KLRB1: variants seen among roughly 807,000 people sequenced by gnomAD.
The protein encoded by KLRB1 is killer cell lectin-like receptor subfamily B member 1.
Under a neutral mutation model 33.5 loss-of-function variants are expected in KLRB1, and 27 were observed. The observed-to-expected ratio is 0.81, with a 90% CI of 0.59 to 1.11. KLRB1 has a LOEUF of 1.11. KLRB1 is among the 50% of genes most tolerant of loss of function. The pLI, the probability that KLRB1 is intolerant of heterozygous loss-of-function variation, is 0.00. For missense variants in KLRB1, 241 were observed against 254.1 expected, an observed-to-expected ratio of 0.95 and a Z score of 0.35; for synonymous variants, 64 against 88.9, an observed-to-expected ratio of 0.72 and a Z score of 1.58.
rs1864481495 is a variant in KLRB1 at position 9,595,168 on chromosome 12, CTT to C, written c.*104_*105del. ...AGTTGTCAATTCTCAGAATTGTTCA[CTT>C]TGTGCCACTAAATGTGGCACTATTA... is the stretch of plus-strand genomic sequence containing the variant. On this transcript the variant is annotated 3_prime_UTR_variant, in exon 6 of 6. Coordinates refer to ENST00000229402, the MANE Select transcript of KLRB1 (RefSeq NM_002258.3). The C allele has an allele frequency of 1.1e-6, 1 of 894,630 alleles. No individual in the cohort carries two copies. The highest frequency in any genetic ancestry group is 1.7e-5 in the African/African-American group (1 of 59,608). The allele number at this position is 894,630 out of a possible 1,614,324, so 55.4% of individuals were successfully genotyped here. A position where few individuals can be genotyped will look rare whatever the true frequency, so the allele number is the denominator to read the frequency against.
chr12:9,601,713 A>G (rs1864545242), intron 1 of KLRB1, 114 bp from the exon 2 acceptor site: 7 of 672,840 alleles, frequency 1.0e-5, no homozygotes, highest in Middle Eastern at 2.7e-4. Context: ...ACATAGGGAC[A>G]ATTAGATTCA....
intron 1 of KLRB1, among the ~76,000 whole-genome samples, chr12:9,605,959 C>T (rs916471360): frequency 2.6e-5 from 4 of 152,156 alleles, no homozygotes; most frequent in Non-Finnish European, 5.9e-5. Flanking sequence ...CAAAAGCCCA[C>T]TTTCCACCTT....
chr12:9,598,175 AG>A lies in KLRB1; in HGVS notation c.415-15del. On this transcript the variant is annotated splice_polypyrimidine_tract_variant and intron_variant, in intron 4 of 5. Coordinates refer to ENST00000229402, the MANE Select transcript of KLRB1 (RefSeq NM_002258.3). ...CTGTGTGTGTATCTATAAATGGAAC[AG>A]AAAAATATTGAATCTGCTTATCTAT... 6.7e-7 allele frequency: 1 copy of A among 1,498,490 alleles called. No individual in the cohort carries two copies. Among genetic ancestry groups the A allele is most frequent in the Non-Finnish European group, 9.3e-7 (1 of 1,077,004 alleles). The allele number at this position is 1,498,490 out of a possible 1,614,324, so 92.8% of individuals were successfully genotyped here.
At chr12:9,595,467 A>C in intron 5 of KLRB1, 46 bp from the exon 6 acceptor site, 1 of 1,576,832 alleles carries the variant, frequency 6.3e-7, no homozygotes, top group Non-Finnish European at 8.7e-7. Context: ...TGATTTTCTC[A>C]GAGCTATTCT....
chr12:9,605,665 C>A (rs1303152205), intron 1 of KLRB1, among the ~76,000 whole-genome samples: 1 of 152,176 alleles, frequency 6.6e-6, no homozygotes, highest in Non-Finnish European at 1.5e-5. Context: ...TTGTTGACTG[C>A]CTTAGACACA....
intron 1 of KLRB1, among the ~76,000 whole-genome samples, chr12:9,603,068 A>C (rs1044303408): frequency 6.6e-6 from 1 of 152,210 alleles, no homozygotes. Flanking sequence ...GGGTTGTAAC[A>C]TATGGATTAT....
chr12:9,603,850 C>T (rs750065168), intron 1 of KLRB1, among the ~76,000 whole-genome samples: 9 of 152,166 alleles, frequency 5.9e-5, no homozygotes, highest in East Asian at 1.9e-4. Flanking sequence ...TTGGAAAATA[C>T]GTTCAACCTT....
In KLRB1 at chr12:9,607,355, C is replaced by CTTTCTTT. The variant is rs1555097796; in HGVS notation, c.85+399_85+400insAAAGAAA. On this transcript the variant is annotated intron_variant, in intron 1 of 5. Transcript: ENST00000229402. Reference sequence around the variant, plus strand: ...TCTTTCCTTTCTTTCTTTCTTTCTTCCTTTCTTTCTTTCTTTCTTTCTTTC... The same window carrying CTTTCTTT: ...TCTTTCCTTTCTTTCTTTCTTTCTTCTTTCTTTCTTTCTTTCTTTCTTTCTTTCTTTC... Among the ~76,000 whole-genome samples, 395 of 52,746 alleles carry CTTTCTTT rather than the reference C, an allele frequency of 7.5e-3. 20 individuals are homozygous for CTTTCTTT. Among genetic ancestry groups the CTTTCTTT allele is most frequent in the African/African-American group, 0.018 (346 of 19,440 alleles). The allele number at this position is 52,746 out of a possible 152,430, so 34.6% of individuals were successfully genotyped here. A position where few individuals can be genotyped will look rare whatever the true frequency, so the allele number is the denominator to read the frequency against.
At chr12:9,606,744 ATATATATATATATATATTTT>A (rs1864607674) in intron 1 of KLRB1, among the ~76,000 whole-genome samples, 3 of 24,428 alleles carry the variant, frequency 1.2e-4, no homozygotes, top group Admixed American at 1.4e-3. Context: ...GTATATATAT[ATATATATATATATATATTTT>A]TTTTTTTTTT....
intron 1 of KLRB1, among the ~76,000 whole-genome samples, chr12:9,605,676 A>G (rs1157375945): frequency 6.6e-6 from 1 of 152,198 alleles, no homozygotes; most frequent in Non-Finnish European, 1.5e-5. Context: ...CTTAGACACA[A>G]TCACCGTGCT....
chr12:9,607,355 C>CCTTCCTTTCTTTCTTTCTTTCTTTCTTT (rs1864625911), intron 1 of KLRB1, among the ~76,000 whole-genome samples: 27 of 52,766 alleles, frequency 5.1e-4, no homozygotes, highest in Non-Finnish European at 9.2e-4. Flanking sequence ...TTTCTTTCTT[C>CCTTCCTTTCTTTCTTTCTTTCTTTCTTT]CTTTCTTTCT....
At chr12:9,607,310 T>TCTCTCA (rs1555097731) in intron 1 of KLRB1, among the ~76,000 whole-genome samples, 1 of 141,034 alleles carries the variant, frequency 7.1e-6, no homozygotes, top group Non-Finnish European at 1.6e-5. Context: ...CCTTTCTTTC[T>TCTCTCA]TTCTTCTTTT....
At chr12:9,607,370 T>TCTTTCTC (rs1864627744) in intron 1 of KLRB1, among the ~76,000 whole-genome samples, 1 of 86,358 alleles carries the variant, frequency 1.2e-5, no homozygotes, top group African/African-American at 3.8e-5. Flanking sequence ...CTTTCTTTCT[T>TCTTTCTC]TCTTTCTTTC....
Position 9,594,697 on chromosome 12 carries a change from T to G in KLRB1, c.*577A>C, listed in dbSNP as rs1237766181. On this transcript the variant is annotated 3_prime_UTR_variant, in exon 6 of 6. Transcript: ENST00000229402. Reference sequence around the variant, plus strand: ...ATAAATTTGAAAAGAAATGACAGGATGAAGAAAAGCTGGCTAGGGGCAATA... The same window carrying G: ...ATAAATTTGAAAAGAAATGACAGGAGGAAGAAAAGCTGGCTAGGGGCAATA... The G allele has an allele frequency of 6.6e-6, 1 of 152,148 alleles. No homozygotes were observed. Among genetic ancestry groups the G allele is most frequent in the Non-Finnish European group, 1.5e-5 (1 of 68,046 alleles). The allele number at this position is 152,148 out of a possible 1,614,324, so 9.4% of individuals were successfully genotyped here.
chr12:9,603,545 C>T (rs1278012711), intron 1 of KLRB1, among the ~76,000 whole-genome samples: 6 of 152,032 alleles, frequency 3.9e-5, no homozygotes, highest in African/African-American at 1.5e-4. Flanking sequence ...TTGCCTCAAC[C>T]TCCCGAGTAG....
chr12:9,599,712 T>G, intron 3 of KLRB1, 55 bp downstream of exon 3: 1 of 1,069,952 alleles, frequency 9.3e-7, no homozygotes, highest in Non-Finnish European at 1.5e-6. Flanking sequence ...AGGTAACACA[T>G]GAAATCTACC....
chr12:9,604,758 C>T (rs892525540), intron 1 of KLRB1, among the ~76,000 whole-genome samples: 3 of 152,096 alleles, frequency 2.0e-5, no homozygotes, highest in Non-Finnish European at 4.4e-5. Context: ...AAATCTTTCT[C>T]AATAACATTA....
At position 9,598,091 on chromosome 12, in the gene KLRB1, T is replaced by A; in HGVS notation, c.485A>T (p.Glu162Val). The change falls in exon 5 of 6, where the codon GAA becomes GTA. Residue 162 changes from glutamate (E) to valine (V), a missense_variant. Transcript: ENST00000229402. Reference protein sequence around the residue: ...FWIGLNFSLSEKNWKWINGSF... With the variant: ...FWIGLNFSLSVKNWKWINGSF... ...GCCGTTTATCCACTTCCAGTTCTTT[T>A]CTGATAATGAAAAATTTAATCCAAT... The A allele has an allele frequency of 6.3e-7, 1 of 1,596,758 alleles. No homozygotes were observed.
At chr12:9,605,033 C>A (rs1450853886) in intron 1 of KLRB1, among the ~76,000 whole-genome samples, 3 of 152,130 alleles carry the variant, frequency 2.0e-5, no homozygotes, top group African/African-American at 7.2e-5. Flanking sequence ...GTTCCCTGCC[C>A]TGTGTCCATG....
Sources: allele counts gnomAD v4.1 joint callset (sites outside exome capture counted in the v4.1 genomes callset), GRCh38; gene constraint gnomAD v4.1.1; transcripts MANE v1.5; gene names NCBI Gene and HGNC (gene_info 2026-07-23, HGNC 2026-07-21).